TNFSF4: variants seen among roughly 807,000 people sequenced by gnomAD.
The protein encoded by TNFSF4 is tumor necrosis factor ligand superfamily member 4.
Under a neutral mutation model 7.3 loss-of-function variants are expected in TNFSF4, and 4 were observed. The ratio of observed to expected loss-of-function variants is 0.55; its 90% CI spans 0.27 to 1.25. TNFSF4 has a LOEUF of 1.25. TNFSF4 is among the 50% of genes most tolerant of loss of function. The pLI, the probability that TNFSF4 is intolerant of heterozygous loss-of-function variation, is 0.12. For missense variants in TNFSF4, 181 were observed against 208.8 expected, an observed-to-expected ratio of 0.87 and a Z score of 0.82; for synonymous variants, 76 against 83.7, an observed-to-expected ratio of 0.91 and a Z score of 0.50.
At chr1:173,446,063 C>A in the TNFSF4 span, among the ~76,000 whole-genome samples, 1 of 152,096 alleles carries the variant, frequency 6.6e-6, no homozygotes, top group Non-Finnish European at 1.5e-5. Context: ...TAAAATCACT[C>A]AGCGTACAAA....
At chr1:173,328,976 A>G in the TNFSF4 span, among the ~76,000 whole-genome samples, 2 of 152,334 alleles carry the variant, frequency 1.3e-5, no homozygotes, top group Middle Eastern at 3.4e-3. Flanking sequence ...ATTGCCTTCT[A>G]TGTAAATATG....
intron 1 of TNFSF4, among the ~76,000 whole-genome samples, chr1:173,202,936 TC>T (rs1447078057): frequency 6.6e-6 from 1 of 151,640 alleles, no homozygotes; most frequent in Non-Finnish European, 1.5e-5. Flanking sequence ...TTTTCCTGAC[TC>T]CCCAGAAGGC....
At chr1:173,311,001 T>G in the TNFSF4 span, among the ~76,000 whole-genome samples, 1 of 151,972 alleles carries the variant, frequency 6.6e-6, no homozygotes, top group Non-Finnish European at 1.5e-5. Flanking sequence ...TCACTTTTTA[T>G]ATTTTATTCT....
the TNFSF4 span, among the ~76,000 whole-genome samples, chr1:173,396,903 T>C: frequency 6.5e-3 from 989 of 152,300 alleles, 12 homozygotes; most frequent in African/African-American, 0.023. Flanking sequence ...TGATTGCTCT[T>C]CTCTGTAGGC....
chr1:173,379,415 C>T, the TNFSF4 span, among the ~76,000 whole-genome samples: 2 of 152,154 alleles, frequency 1.3e-5, no homozygotes, highest in African/African-American at 4.8e-5. Context: ...TCAATGATGT[C>T]CACCATAACT....
intron 1 of TNFSF4, among the ~76,000 whole-genome samples, chr1:173,202,515 T>A (rs971638698): frequency 6.6e-6 from 1 of 152,190 alleles, no homozygotes; most frequent in Non-Finnish European, 1.5e-5. Flanking sequence ...GGATAAGCTG[T>A]CTTCAGACAC....
the TNFSF4 span, among the ~76,000 whole-genome samples, chr1:173,416,450 A>G: frequency 6.6e-6 from 1 of 151,888 alleles, no homozygotes; most frequent in South Asian, 2.1e-4. Flanking sequence ...AGGGAAGGGG[A>G]CCAAAGGGGC....
chr1:173,273,428 A>C, the TNFSF4 span, among the ~76,000 whole-genome samples: 4 of 152,128 alleles, frequency 2.6e-5, no homozygotes, highest in African/African-American at 9.7e-5. Flanking sequence ...TGGTGCAAAA[A>C]ATTTTTGAAA....
chr1:173,189,712 A>G (rs558598909), intron 1 of TNFSF4, among the ~76,000 whole-genome samples: 6 of 152,298 alleles, frequency 3.9e-5, no homozygotes, highest in African/African-American at 1.4e-4. Context: ...AATAATAATA[A>G]TAACACCTGT....
At chr1:173,362,574 G>A in the TNFSF4 span, 1 of 526,506 alleles carries the variant, frequency 1.9e-6, no homozygotes, top group East Asian at 5.2e-5. Flanking sequence ...ACACTAAGTT[G>A]TCTTTCAGTT....
upstream of TNFSF4, among the ~76,000 whole-genome samples, chr1:173,211,686 A>C (rs1275351328): frequency 6.6e-6 from 1 of 152,200 alleles, no homozygotes; most frequent in African/African-American, 2.4e-5. Flanking sequence ...TTCCCCATGA[A>C]GGGCTGTCCT....
chr1:173,263,430 C>T, the TNFSF4 span, among the ~76,000 whole-genome samples: 6 of 152,150 alleles, frequency 3.9e-5, no homozygotes, highest in African/African-American at 1.2e-4. Context: ...ATCTGGAAAT[C>T]GGATGATAAG....
chr1:173,407,714 G>GTGTGTA, the TNFSF4 span, among the ~76,000 whole-genome samples: 3 of 151,552 alleles, frequency 2.0e-5, no homozygotes, highest in Non-Finnish European at 4.4e-5. Context: ...GTGTGTGTGT[G>GTGTGTA]TGTGTGTGTG....
chr1:173,389,886 C>G, the TNFSF4 span, among the ~76,000 whole-genome samples: 15 of 152,014 alleles, frequency 9.9e-5, no homozygotes, highest in East Asian at 2.9e-3. Context: ...ATTTGTTGAG[C>G]TTTGTTTCTC....
At chr1:173,207,418 CCTTTA>C (rs1650243694), upstream of TNFSF4, 2 of 383,038 alleles carry the variant, frequency 5.2e-6, no homozygotes, top group Non-Finnish European at 9.3e-6. Flanking sequence ...CTGAATTTCC[CCTTTA>C]CTTTCTTTCT....
chr1:173,199,856 T>A (rs1444520426), intron 1 of TNFSF4, among the ~76,000 whole-genome samples: 1 of 150,686 alleles, frequency 6.6e-6, no homozygotes, highest in Non-Finnish European at 1.5e-5. Context: ...TTAAAAAAAA[T>A]GCAGAGGAAA....
At chr1:173,420,263 C>G in the TNFSF4 span, among the ~76,000 whole-genome samples, 1 of 152,124 alleles carries the variant, frequency 6.6e-6, no homozygotes, top group African/African-American at 2.4e-5. Flanking sequence ...TCTCCCCTCT[C>G]AGACTCCTTC....
At chr1:173,349,841 A>G in the TNFSF4 span, among the ~76,000 whole-genome samples, 1 of 152,216 alleles carries the variant, frequency 6.6e-6, no homozygotes, top group Non-Finnish European at 1.5e-5. Context: ...GTAAGTTTAA[A>G]CCAGTTATAC....
the TNFSF4 span, among the ~76,000 whole-genome samples, chr1:173,368,500 C>T: frequency 6.6e-6 from 1 of 152,172 alleles, no homozygotes; most frequent in Non-Finnish European, 1.5e-5. Flanking sequence ...TACCAGGCAC[C>T]TGTTGGCCAG....
Sources: gnomAD v4.1 joint callset for allele counts (sites outside exome capture counted in the v4.1 genomes callset) on GRCh38, gnomAD v4.1.1 for gene constraint, MANE v1.5 for transcripts, NCBI Gene and HGNC (gene_info 2026-07-23, HGNC 2026-07-21) for gene names.